Variants in SACS observed in about 807,000 individuals in gnomAD.
The protein encoded by SACS is sacsin.
In SACS, 197 loss-of-function variants were observed where a neutral mutation model predicts 348.0. The observed-to-expected ratio is 0.57, with a 90% confidence interval of 0.50 to 0.64. The LOEUF (loss-of-function observed/expected upper bound fraction) is 0.64, where lower values mean the gene tolerates loss of function less well. Ranked by LOEUF, SACS falls within the 30% of genes least tolerant of loss-of-function variation. The pLI, the probability that SACS is intolerant of heterozygous loss-of-function variation, is 0.00. For missense variants in SACS, 4,999 were observed against 5,360.8 expected (o/e 0.93, Z 2.11); for synonymous variants, 1,985 against 1,910.6 (o/e 1.04, Z -1.02).
At position 23,332,682 on chromosome 13, in the gene SACS, G is replaced by C. The variant is rs149745343; in HGVS notation, c.11194C>G (p.Gln3732Glu). Residue 3732 changes from glutamine (Q) to glutamate (E), a missense_variant, in exon 10 of 10, where the codon CAA (glutamine) becomes GAA (glutamate). This residue lies in a region of SACS where 831 missense variants were observed against 941.8 expected (regional missense o/e 0.88). Transcript: ENST00000382292. ...SDLGPQEQLE[Q>E]VLNMLNVNLD... ...TTAACATTAAGCATATTTAAAACTT[G>C]TTCAAGCTGTTCTTGTGGACCAAGG... The C allele has an allele frequency of 1.2e-5, 20 of 1,613,786 alleles. No homozygotes were observed. In the African/African-American group the frequency reaches 2.4e-4, roughly 19 times the overall value.
intron 2 of SACS, among the ~76,000 whole-genome samples, chr13:23,398,081 C>T (rs960504288): frequency 1.3e-5 from 2 of 151,958 alleles, no homozygotes; most frequent in Non-Finnish European, 2.9e-5. Context: ...ATCCCAGCTA[C>T]TCAGGAGGCT....
chr13:23,410,585 G>A (rs192081260), intron 2 of SACS, among the ~76,000 whole-genome samples: 6 of 151,980 alleles, frequency 3.9e-5, no homozygotes, highest in South Asian at 2.1e-4. Context: ...ATGTAATATC[G>A]AAATACAGCA....
At chr13:23,375,573 C>G (rs945610589) in intron 2 of SACS, 1 of 1,036,432 alleles carries the variant, frequency 9.6e-7, no homozygotes, top group African/African-American at 1.7e-5. Flanking sequence ...GCTCCCGGCC[C>G]ACTCCCGGCC....
At chr13:23,372,334 C>A (rs117564913) in intron 3 of SACS, among the ~76,000 whole-genome samples, 1 of 152,144 alleles carries the variant, frequency 6.6e-6, no homozygotes, top group Non-Finnish European at 1.5e-5. Flanking sequence ...TGTAACACAG[C>A]GGCTCAATAA....
intron 2 of SACS, among the ~76,000 whole-genome samples, chr13:23,376,929 G>A (rs1018859353): frequency 6.6e-6 from 1 of 152,138 alleles, no homozygotes; most frequent in Non-Finnish European, 1.5e-5. Context: ...GCACACACCT[G>A]GTTTTCTTGT....
chr13:23,336,163 T>C lies in SACS; in HGVS notation c.7713A>G (p.Pro2571=), dbSNP rs557113294. 1.4e-5 allele frequency: 23 copies of C among 1,613,776 alleles called. No individual in the cohort carries two copies. The highest frequency in any genetic ancestry group is 1.9e-5 in the Non-Finnish European group (22 of 1,179,810). Residue 2571 remains proline (P), a synonymous_variant, in exon 10 of 10, where the codon CCA becomes CCG. Transcript: ENST00000382292. ...ICFVFDPRQH[P]VDRIFDDKWA... ...ACTTATCATCAAATATTCTATCAAC[T>C]GGATGCTGTCTAGGATCAAACACAA...
At chr13:23,376,108 C>A (rs1871787263) in intron 2 of SACS, among the ~76,000 whole-genome samples, 1 of 152,074 alleles carries the variant, frequency 6.6e-6, no homozygotes, top group African/African-American at 2.4e-5. Context: ...AGAGAGCCAG[C>A]AGCAAAGTAA....
At position 23,337,420 on chromosome 13, in the gene SACS, A is replaced by G. The variant is rs747925179; in HGVS notation, c.6456T>C (p.Gly2152=). The G allele has an allele frequency of 6.2e-7, 1 of 1,612,784 alleles. No individual in the cohort carries two copies. The highest frequency in any genetic ancestry group is 1.1e-5 in the South Asian group (1 of 90,772). The change falls in exon 10 of 10, where the codon GGT becomes GGC. Residue 2152 remains glycine (G), a synonymous_variant. Transcript: ENST00000382292. ...PIILIKLVQL[G]MAKDDILWDD... is the part of the protein sequence containing the mutation. ...CCCATAAAATATCATCTTTTGCCAT[A>G]CCTAACTGAACTAGTTTAATCAAAA... is the stretch of plus-strand genomic sequence containing the variant.
At chr13:23,358,230 T>C in intron 7 of SACS, 105 bp downstream of exon 7, 1 of 1,218,890 alleles carries the variant, frequency 8.2e-7, no homozygotes, top group Non-Finnish European at 1.2e-6. Context: ...AGAATTTGGG[T>C]AAGATGGCTT....
rs1193243475 is a variant in SACS at position 23,332,414 on chromosome 13, A to G, written c.11462T>C (p.Phe3821Ser). 1 of 1,614,006 alleles carries G rather than the reference A, an allele frequency of 6.2e-7. No individual in the cohort carries two copies. The highest frequency in any genetic ancestry group is 1.3e-5 in the African/African-American group (1 of 75,034). ...AGGTAGCTTGTACAAATAAGGTTTA[A>G]AATCAGATTCATATTCTAGGTTTAT... ...VVINLEYESD[F>S]KPYLYKLPLE... The change falls in exon 10 of 10, where the codon TTT becomes TCT. Residue 3821 changes from phenylalanine (F) to serine (S), a missense_variant. Physicochemically the swap from Phe to Ser is radical, Grantham distance 155 (BLOSUM62 -2). Coordinates refer to ENST00000382292, the MANE Select transcript of SACS (RefSeq NM_014363.6).
Position 23,354,725 on chromosome 13 carries a change from C to G in SACS, c.1887G>C (p.Ala629=), listed in dbSNP as rs772895627. 1 of 1,613,626 alleles carries G rather than the reference C, an allele frequency of 6.2e-7. No individual in the cohort carries two copies. The highest frequency in any genetic ancestry group is 1.3e-5 in the African/African-American group (1 of 75,056). ...GTTPVRKVTP[A]WVRQVLRKCA... is the part of the protein sequence containing the mutation. ...ACTTCCGCAGCACCTGCCGCACCCA[C>G]GCGGGCGTCACCTTCCTCACAGGTG... The change falls in exon 8 of 10, where the codon GCG becomes GCC. Residue 629 remains alanine, a synonymous_variant. Transcript: ENST00000382292.
chr13:23,399,289 T>C (rs1872850714), intron 2 of SACS, among the ~76,000 whole-genome samples: 1 of 152,184 alleles, frequency 6.6e-6, no homozygotes, highest in Admixed American at 6.5e-5. Flanking sequence ...TTCTTTGTTC[T>C]CGAGATCAAC....
intron 6 of SACS, 117 bp from the exon 7 acceptor site, chr13:23,358,598 T>C (rs148602781): frequency 2.1e-5 from 22 of 1,054,074 alleles, no homozygotes; most frequent in Middle Eastern, 2.0e-4. Context: ...GAGGAGTGAA[T>C]AGAGTGACTG....
intron 7 of SACS, among the ~76,000 whole-genome samples, chr13:23,357,038 CATGACCT>C (rs1239621395): frequency 3.3e-5 from 5 of 152,214 alleles, no homozygotes; most frequent in South Asian, 2.1e-4. Context: ...AAGATAAAAG[CATGACCT>C]ATGACCTATG....
At chr13:23,413,490 G>A (rs755182644) in intron 1 of SACS, among the ~76,000 whole-genome samples, 3 of 152,200 alleles carry the variant, frequency 2.0e-5, no homozygotes, top group Non-Finnish European at 2.9e-5. Context: ...ATCCAACCAG[G>A]AGGGGATGGA....
chr13:23,341,780 CTTTTTTTTTT>C (rs4068499), intron 9 of SACS, 90 bp from the exon 10 acceptor site: 41 of 299,044 alleles, frequency 1.4e-4, no homozygotes, highest in Admixed American at 3.6e-4. Flanking sequence ...CTGGAAGGTT[CTTTTTTTTTT>C]TTTTTTTTTT....
At chr13:23,371,549 ATTG>A (rs964296351) in intron 3 of SACS, among the ~76,000 whole-genome samples, 3 of 152,212 alleles carry the variant, frequency 2.0e-5, no homozygotes, top group African/African-American at 7.2e-5. Flanking sequence ...ACCAAAAAAA[ATTG>A]TTTTTAAATT....
intron 1 of SACS, chr13:23,418,985 G>A (rs1235866579): frequency 6.6e-6 from 1 of 152,326 alleles, no homozygotes; most frequent in African/African-American, 2.4e-5. Flanking sequence ...TGGCCCAGTT[G>A]GTGCTGAGTA....
chr13:23,346,637 A>T (rs1869626348), intron 9 of SACS, among the ~76,000 whole-genome samples: 1 of 152,222 alleles, frequency 6.6e-6, no homozygotes, highest in African/African-American at 2.4e-5. Context: ...TTGTAATAAT[A>T]AAAATCTGTA....
Sources: allele counts gnomAD v4.1 joint callset (sites outside exome capture counted in the v4.1 genomes callset), GRCh38; gene constraint gnomAD v4.1.1; regional missense constraint gnomAD v4.1.1; transcripts MANE v1.5; gene names NCBI Gene and HGNC (gene_info 2026-07-23, HGNC 2026-07-21).